CASK: variants seen among roughly 807,000 people sequenced by gnomAD.
CASK encodes peripheral plasma membrane protein CASK.
A neutral mutation model predicts 82.9 loss-of-function variants in CASK; 4 were observed. The ratio of observed to expected loss-of-function variants is 0.05; its 90% confidence interval spans 0.02 to 0.11. The LOEUF (loss-of-function observed/expected upper bound fraction) is 0.11. Among genes scored for constraint, CASK ranks in the 10% least tolerant of loss-of-function variants. CASK has a pLI of 1.00. For missense variants in CASK, 358 were observed against 720.9 expected, an observed-to-expected ratio of 0.50 and a Z score of 5.76; for synonymous variants, 259 against 253.5, an observed-to-expected ratio of 1.02 and a Z score of -0.20.
At chrX:41,713,016 T>C (rs1490978963) in intron 5 of CASK, among the ~76,000 whole-genome samples, 1 of 111,562 alleles carries the variant, frequency 9.0e-6, no homozygotes, top group Non-Finnish European at 1.9e-5. Context: ...GGGAGACTGA[T>C]GTGAGTAATA....
At chrX:41,738,300 C>T (rs1359812704) in intron 5 of CASK, among the ~76,000 whole-genome samples, 1 of 112,526 alleles carries the variant, frequency 8.9e-6, no homozygotes, top group African/African-American at 3.2e-5. Context: ...AAAGGGGGAC[C>T]CATTGAGATG....
rs778974201 is a variant in CASK, at chrX:41,525,028, T to C, written c.2521-994A>G. 4.5e-5 allele frequency among the ~76,000 whole-genome samples: 5 copies of C among 111,967 alleles called. No individual in the cohort carries two copies. The South Asian group carries it at 1.9e-3, about 42-fold the overall frequency. The stretch of plus-strand genomic sequence containing the variant: ...CTTTAAATTTGCTTGCTTCACGCTA[T>C]TCCTATTGCTCCATCTTTTGCCCAG... On this transcript the variant is annotated intron_variant, in intron 25 of 26. Coordinates refer to ENST00000378163, the MANE Select transcript of CASK (RefSeq NM_001367721.1).
chrX:41,892,222 ATTTT>A (rs753034665), intron 1 of CASK, among the ~76,000 whole-genome samples: 1 of 90,310 alleles, frequency 1.1e-5, no homozygotes. Flanking sequence ...TTCAACGAGA[ATTTT>A]TTTTTTTTTT....
intron 21 of CASK, 149 bp downstream of exon 21, chrX:41,553,570 T>C (rs1012179913): frequency 4.2e-6 from 2 of 471,242 alleles, no homozygotes; most frequent in African/African-American, 4.9e-5. Context: ...TATAGAATTC[T>C]TGGATGACTA....
chrX:41,578,973 A>T (rs1421048813), intron 14 of CASK, among the ~76,000 whole-genome samples: 1 of 112,352 alleles, frequency 8.9e-6, no homozygotes, highest in Non-Finnish European at 1.9e-5. Context: ...GTGTTTGATG[A>T]TTATCTGGGT....
intron 5 of CASK, among the ~76,000 whole-genome samples, chrX:41,708,294 A>G (rs1197552903): frequency 9.0e-6 from 1 of 111,629 alleles, no homozygotes; most frequent in Non-Finnish European, 1.9e-5. Flanking sequence ...TGTTTTTATT[A>G]CAAGCTTTTC....
chrX:41,880,131 A>C (rs1253465977), intron 1 of CASK, among the ~76,000 whole-genome samples: 1 of 111,763 alleles, frequency 8.9e-6, no homozygotes, highest in Non-Finnish European at 1.9e-5. Flanking sequence ...ACTGAGAGAG[A>C]TCAAGGCACT....
chrX:41,619,869 T>C (rs1022530690), intron 11 of CASK, among the ~76,000 whole-genome samples: 4 of 112,400 alleles, frequency 3.6e-5, no homozygotes, highest in African/African-American at 1.3e-4. Context: ...CAGTTTGCTG[T>C]ATTTGCTTTA....
At chrX:41,701,402 A>G (rs1436399993) in intron 5 of CASK, among the ~76,000 whole-genome samples, 1 of 112,722 alleles carries the variant, frequency 8.9e-6, no homozygotes, top group Non-Finnish European at 1.9e-5. Context: ...CACAACAGAT[A>G]TGACATTTAC....
At chrX:41,904,986 C>T (rs2072446148) in intron 1 of CASK, among the ~76,000 whole-genome samples, 1 of 111,909 alleles carries the variant, frequency 8.9e-6, no homozygotes, top group African/African-American at 3.2e-5. Flanking sequence ...TTTAACCAGT[C>T]CACTGTTGAC....
intron 2 of CASK, among the ~76,000 whole-genome samples, chrX:41,824,133 A>T (rs1251362989): frequency 8.9e-6 from 1 of 112,013 alleles, no homozygotes; most frequent in Non-Finnish European, 1.9e-5. Flanking sequence ...AAACGTGGGC[A>T]TTTCCTTCCT....
chrX:41,894,208 C>T (rs1601949014), intron 1 of CASK, among the ~76,000 whole-genome samples: 1 of 109,447 alleles, frequency 9.1e-6, no homozygotes, highest in African/African-American at 3.3e-5. Context: ...AAAAAGAATT[C>T]TTAAAAAAAA....
intron 1 of CASK, among the ~76,000 whole-genome samples, chrX:41,895,025 G>A (rs1459393896): frequency 9.0e-6 from 1 of 111,424 alleles, no homozygotes; most frequent in African/African-American, 3.3e-5. Flanking sequence ...AGTTATGCTA[G>A]GCAGAATAGT....
chrX:41,547,447 T>C (rs1035539629), intron 21 of CASK, among the ~76,000 whole-genome samples: 1 of 111,143 alleles, frequency 9.0e-6, no homozygotes, highest in African/African-American at 3.3e-5. Flanking sequence ...TCTCTGTCCT[T>C]TGTATTTCCT....
chrX:41,812,739 A>G (rs149667192), intron 2 of CASK, among the ~76,000 whole-genome samples: 18,905 of 111,003 alleles, frequency 0.17, 1,449 homozygotes, highest in Middle Eastern at 0.3. Context: ...AGTTCTGGCC[A>G]GGGTAATCAG....
intron 3 of CASK, among the ~76,000 whole-genome samples, chrX:41,761,974 A>C (rs1446406486): frequency 8.9e-6 from 1 of 112,400 alleles, no homozygotes; most frequent in Non-Finnish European, 1.9e-5. Flanking sequence ...AATAGCTAAT[A>C]GCAAAGATTT....
chrX:41,573,659 A>G (rs1418364187), intron 15 of CASK, among the ~76,000 whole-genome samples: 1 of 111,362 alleles, frequency 9.0e-6, no homozygotes, highest in African/African-American at 3.3e-5. Flanking sequence ...GTCATTTTTG[A>G]TTGATTATTC....
At chrX:41,751,624 G>C (rs2068790978) in intron 3 of CASK, among the ~76,000 whole-genome samples, 1 of 110,597 alleles carries the variant, frequency 9.0e-6, no homozygotes, top group African/African-American at 3.3e-5. Context: ...TTTTGCACCA[G>C]GGTGATCTAA....
At chrX:41,820,967 A>G (rs2070526137) in intron 2 of CASK, among the ~76,000 whole-genome samples, 1 of 111,448 alleles carries the variant, frequency 9.0e-6, no homozygotes, top group Admixed American at 9.5e-5. Flanking sequence ...TCATAAACGT[A>G]GCCAAAACTA....
Sources: allele counts gnomAD v4.1 joint callset (sites outside exome capture counted in the v4.1 genomes callset), GRCh38; gene constraint gnomAD v4.1.1; transcripts MANE v1.5; gene names NCBI Gene and HGNC (gene_info 2026-07-23, HGNC 2026-07-21).